The following ADCY9 variants were observed in gnomAD, a reference collection of about 807,000 sequenced individuals.
The protein encoded by ADCY9 is adenylate cyclase type 9.
ADCY9 carries 50 observed loss-of-function variants against 101.5 expected under a neutral mutation model. That is an observed-to-expected ratio of 0.49 (90% CI 0.39 to 0.62). ADCY9 has a LOEUF of 0.62. Among genes scored for constraint, ADCY9 ranks in the 20% least tolerant of loss-of-function variants. The probability of loss-of-function intolerance (pLI) is 0.00; values close to 1 mark genes in which losing one functional copy is unlikely to be tolerated. For missense variants in ADCY9, 1,662 were observed against 1,800.4 expected, an observed-to-expected ratio of 0.92 and a Z score of 1.39; for synonymous variants, 905 against 769.3, an observed-to-expected ratio of 1.18 and a Z score of -2.92.
In ADCY9 at chr16:4,034,083, G is replaced by A. The variant is rs565634157; in HGVS notation, c.1694-26525C>T. The stretch of plus-strand genomic sequence containing the variant: ...GGTACAGGCCTGATGGCTGCCGTGC[G>A]CCAACAAGGTGAGCCTGCAGATCAG... On this transcript the variant is annotated intron_variant, in intron 2 of 10. Transcript: ENST00000294016. Among the ~76,000 whole-genome samples the A allele has an allele frequency of 5.9e-5, 9 of 152,224 alleles. No homozygotes were observed. The East Asian group carries it at 1.4e-3, about 23-fold the overall frequency.
rs1194409241 is a variant in ADCY9 at position 3,964,193 on chromosome 16, T to G, written c.*1582A>C. The G allele has an allele frequency of 6.6e-6, 1 of 152,178 alleles. No homozygotes were observed. Among genetic ancestry groups the G allele is most frequent in the Non-Finnish European group, 1.5e-5 (1 of 68,080 alleles). The allele number at this position is 152,178 out of a possible 1,614,324, so 9.4% of individuals were successfully genotyped here. A position where few individuals can be genotyped will look rare whatever the true frequency, so the allele number is the denominator to read the frequency against. On this transcript the variant is annotated 3_prime_UTR_variant, in exon 11 of 11. Transcript: ENST00000294016. The stretch of plus-strand genomic sequence containing the variant: ...TGAGATTTGACAGCGGAAAGCAAAA[T>G]GCACAGGGACAACGGGCAAGACTGA...
chr16:4,026,867 G>C (rs1254163147), intron 2 of ADCY9, among the ~76,000 whole-genome samples: 2 of 152,198 alleles, frequency 1.3e-5, no homozygotes, highest in African/African-American at 2.4e-5. Flanking sequence ...GATTCACCCT[G>C]ACTTTTTAGA....
At chr16:4,077,207 C>A (rs2056873220) in intron 2 of ADCY9, among the ~76,000 whole-genome samples, 1 of 152,126 alleles carries the variant, frequency 6.6e-6, no homozygotes, top group African/African-American at 2.4e-5. Context: ...CAGTTTTGTT[C>A]AAAACTCACT....
intron 2 of ADCY9, among the ~76,000 whole-genome samples, chr16:4,037,858 C>T (rs1416502168): frequency 6.6e-6 from 1 of 152,208 alleles, no homozygotes; most frequent in African/African-American, 2.4e-5. Context: ...TGAGGCCTAT[C>T]AGCTGGTACT....
chr16:4,101,175 G>A (rs1416058558), intron 2 of ADCY9, among the ~76,000 whole-genome samples: 1 of 151,950 alleles, frequency 6.6e-6, no homozygotes, highest in African/African-American at 2.4e-5. Flanking sequence ...ATCATCACAA[G>A]TTACCTAACC....
chr16:4,046,362 A>C (rs2056664917), intron 2 of ADCY9, among the ~76,000 whole-genome samples: 1 of 152,094 alleles, frequency 6.6e-6, no homozygotes, highest in Non-Finnish European at 1.5e-5. Context: ...TGTTGTGCAG[A>C]TCCACGAATG....
chr16:3,967,558 T>TTA (rs2056010483), intron 10 of ADCY9, among the ~76,000 whole-genome samples: 1 of 151,512 alleles, frequency 6.6e-6, no homozygotes, highest in Non-Finnish European at 1.5e-5. Context: ...CCTAGCTAAT[T>TTA]AAAAAATTTT....
At chr16:4,020,821 G>T (rs963339729) in intron 2 of ADCY9, among the ~76,000 whole-genome samples, 1 of 58,834 alleles carries the variant, frequency 1.7e-5, no homozygotes, top group Non-Finnish European at 4.9e-5. Flanking sequence ...GCGAGACTCC[G>T]TCTCAAAAAA....
Position 4,007,408 on chromosome 16 carries a change from C to A in ADCY9, c.1844G>T (p.Ser615Ile), listed in dbSNP as rs193292810. Residue 615 changes from serine to isoleucine, a missense_variant, in exon 3 of 11, where the codon AGT becomes ATT. Transcript: ENST00000294016. Reference sequence around the variant, plus strand: ...GGTTTTGACAGTCTGCGCCAAGTCACTGACATTCCCTGATGACGCTGTCCC... The same window carrying A: ...GGTTTTGACAGTCTGCGCCAAGTCAATGACATTCCCTGATGACGCTGTCCC... ...GQGTASSGNV[S>I]DLAQTVKTFD... is the part of the protein sequence containing the mutation. The A allele has an allele frequency of 2.5e-6, 4 of 1,603,236 alleles. No homozygotes were observed. In the East Asian group the frequency reaches 6.7e-5, roughly 27 times the overall value.
At chr16:4,089,193 G>A (rs1231791952) in intron 2 of ADCY9, among the ~76,000 whole-genome samples, 1 of 151,954 alleles carries the variant, frequency 6.6e-6, no homozygotes, top group Non-Finnish European at 1.5e-5. Context: ...TCCCGCCTCA[G>A]CCTCCCGAGG....
Position 4,007,355 on chromosome 16 carries a change from C to T in ADCY9, c.1884+13G>A. On this transcript the variant is annotated intron_variant, in intron 3 of 10. Transcript: ENST00000294016. ...AGTTTTAGAAGTAGGAAAAAAAAAA[C>T]AAAAAAACTAACCTTAAGGTTATCA... is the stretch of plus-strand genomic sequence containing the variant. The T allele has an allele frequency of 6.6e-7, 1 of 1,510,124 alleles. No homozygotes were observed. Among genetic ancestry groups the T allele is most frequent in the Non-Finnish European group, 8.8e-7 (1 of 1,130,206 alleles). 93.5% of individuals were successfully genotyped at this position (1,510,124 alleles called of 1,614,324 possible). A position where few individuals can be genotyped will look rare whatever the true frequency, so the allele number is the denominator to read the frequency against.
rs1463083079 is a variant in ADCY9 at position 3,963,271 on chromosome 16, CT to C, written c.*2503del. On this transcript the variant is annotated 3_prime_UTR_variant, in exon 11 of 11. Transcript: ENST00000294016. ...TAAGTTCCTAAGAGGTATTGCCACC[CT>C]GAAGCACGACCCATGCCGTCAGCAG... The C allele has an allele frequency of 2.5e-6, 1 of 398,536 alleles. No individual in the cohort carries two copies. Among genetic ancestry groups the C allele is most frequent in the Non-Finnish European group, 4.4e-6 (1 of 225,874 alleles). 24.7% of individuals were successfully genotyped at this position (398,536 alleles called of 1,614,324 possible).
At chr16:4,086,053 G>A (rs769827441) in intron 2 of ADCY9, among the ~76,000 whole-genome samples, 2 of 152,010 alleles carry the variant, frequency 1.3e-5, no homozygotes, top group African/African-American at 2.4e-5. Flanking sequence ...CCTGGTCAGC[G>A]TACTCACAGG....
intron 2 of ADCY9, among the ~76,000 whole-genome samples, chr16:4,084,788 T>C (rs1210816619): frequency 3.9e-5 from 6 of 152,042 alleles, no homozygotes; most frequent in Admixed American, 2.6e-4. Flanking sequence ...TCTGTGTTTC[T>C]GTTATTAACA....
chr16:4,035,718 G>A (rs1392792561), intron 2 of ADCY9, among the ~76,000 whole-genome samples: 1 of 151,950 alleles, frequency 6.6e-6, no homozygotes, highest in African/African-American at 2.4e-5. Context: ...TTCCAAGGGG[G>A]CCGGGCACGG....
At chr16:4,107,377 C>T (rs2057083719) in intron 2 of ADCY9, among the ~76,000 whole-genome samples, 1 of 151,756 alleles carries the variant, frequency 6.6e-6, no homozygotes, top group Non-Finnish European at 1.5e-5. Context: ...ATGGTGAAAC[C>T]CCATCTCTAC....
chr16:4,036,468 T>TTG (rs1567447700), intron 2 of ADCY9, among the ~76,000 whole-genome samples: 1 of 138,136 alleles, frequency 7.2e-6, no homozygotes, highest in African/African-American at 2.6e-5. Context: ...GTTTGTTTTT[T>TTG]TTTTTTTTTT....
chr16:4,080,825 C>A (rs954801772), intron 2 of ADCY9, among the ~76,000 whole-genome samples: 10 of 151,028 alleles, frequency 6.6e-5, no homozygotes, highest in Non-Finnish European at 1.2e-4. Flanking sequence ...TCTTTAAACT[C>A]CTAATTCAAA....
intron 2 of ADCY9, among the ~76,000 whole-genome samples, chr16:4,097,625 C>T (rs1021158627): frequency 2.1e-5 from 3 of 141,038 alleles, no homozygotes; most frequent in Non-Finnish European, 4.5e-5. Context: ...GCAATCTCAG[C>T]AACCTCCATC....
Sources: allele counts gnomAD v4.1 joint callset (sites outside exome capture counted in the v4.1 genomes callset), GRCh38; gene constraint gnomAD v4.1.1; transcripts MANE v1.5; gene names NCBI Gene and HGNC (gene_info 2026-07-23, HGNC 2026-07-21).